The following ESRRG variants were observed in gnomAD, a reference collection of about 807,000 sequenced individuals.
ESRRG encodes estrogen-related receptor gamma.
ESRRG carries 13 observed loss-of-function variants against 44.0 expected under a neutral mutation model. The ratio of observed to expected loss-of-function variants is 0.30; its 90% confidence interval spans 0.19 to 0.47. The LOEUF is 0.47. Among genes scored for constraint, ESRRG ranks in the 20% least tolerant of loss-of-function variants. ESRRG has a pLI of 1.00. For missense variants in ESRRG, 395 were observed against 580.6 expected, an observed-to-expected ratio of 0.68 and a Z score of 3.29; for synonymous variants, 215 against 214.6, an observed-to-expected ratio of 1.00 and a Z score of -0.02.
chr1:216,588,872 C>G (rs1340994014), intron 3 of ESRRG, among the ~76,000 whole-genome samples: 1 of 152,146 alleles, frequency 6.6e-6, no homozygotes, highest in Non-Finnish European at 1.5e-5. Context: ...CTATCGGGTA[C>G]TTCTCTGAGG....
At chr1:216,726,414 C>T (rs1288134174), upstream of ESRRG, among the ~76,000 whole-genome samples, 1 of 152,038 alleles carries the variant, frequency 6.6e-6, no homozygotes, top group Non-Finnish European at 1.5e-5. Flanking sequence ...AAGAAACTTC[C>T]CTGGTCCCAG....
intron 6 of ESRRG, among the ~76,000 whole-genome samples, chr1:216,517,195 C>T (rs1327672059): frequency 6.6e-6 from 1 of 152,050 alleles, no homozygotes; most frequent in East Asian, 1.9e-4. Context: ...GCTTATTGAC[C>T]ATTTCTGACT....
At chr1:216,886,813 T>C (rs2096524128) in intron 2 of ESRRG, among the ~76,000 whole-genome samples, 1 of 152,194 alleles carries the variant, frequency 6.6e-6, no homozygotes, top group Admixed American at 6.5e-5. Context: ...AGCCTTGGCC[T>C]CCTGGGCTCA....
intron 5 of ESRRG, among the ~76,000 whole-genome samples, chr1:216,547,942 G>C (rs778963125): frequency 4.6e-5 from 7 of 152,094 alleles, no homozygotes; most frequent in Non-Finnish European, 7.4e-5. Flanking sequence ...AAAGGCATGA[G>C]CTATATGGCT....
chr1:216,954,280 C>T (rs2067526915), intron 1 of ESRRG, among the ~76,000 whole-genome samples: 1 of 152,040 alleles, frequency 6.6e-6, no homozygotes, highest in African/African-American at 2.4e-5. Flanking sequence ...ATAAAAACTT[C>T]AACACAGCCC....
chr1:216,775,747 T>G (rs1576414862), intron 2 of ESRRG, among the ~76,000 whole-genome samples: 2 of 151,686 alleles, frequency 1.3e-5, no homozygotes, highest in Admixed American at 1.3e-4. Flanking sequence ...TATTTTTTTG[T>G]AGAGATGATG....
intron 6 of ESRRG, 75 bp downstream of exon 6, chr1:216,519,077 C>T: frequency 7.4e-7 from 1 of 1,343,692 alleles, no homozygotes; most frequent in Non-Finnish European, 1.0e-6. Context: ...CTAGCAAATC[C>T]CTAAAGAAGT....
chr1:216,628,308 G>T (rs2063531440), intron 3 of ESRRG, among the ~76,000 whole-genome samples: 1 of 152,164 alleles, frequency 6.6e-6, no homozygotes, highest in Non-Finnish European at 1.5e-5. Flanking sequence ...AGGCTGGAGT[G>T]CAATGGCACA....
chr1:216,744,985 A>T (rs916021058), intron 2 of ESRRG, among the ~76,000 whole-genome samples: 2 of 152,196 alleles, frequency 1.3e-5, no homozygotes, highest in African/African-American at 4.8e-5. Flanking sequence ...AACAGAGTCT[A>T]AAGTTCCTCA....
chr1:216,550,238 T>C (rs1216612894), intron 5 of ESRRG, among the ~76,000 whole-genome samples: 1 of 152,080 alleles, frequency 6.6e-6, no homozygotes, highest in African/African-American at 2.4e-5. Context: ...TATCGCAAAT[T>C]GAAAATACTA....
rs2152411386 is a variant in ESRRG, at chr1:216,775,446, C to T, written c.-13-97955G>A. 2.0e-5 allele frequency among the ~76,000 whole-genome samples: 3 copies of T among 151,632 alleles called. No homozygotes were observed. The South Asian group carries it at 6.3e-4, about 32-fold the overall frequency. On this transcript the variant is annotated intron_variant, in intron 2 of 7. Transcript: ENST00000359162. ...AAAGTCATCATCTCCTCCCCAGAAC[C>T]ATTCCTTTTCCTGTGTTTCTCATGT...
rs544733835 is a variant in ESRRG, at chr1:216,966,677, G to A, written c.-105-27004C>T. On this transcript the variant is annotated intron_variant, in intron 1 of 7. Coordinates refer to the ESRRG transcript ENST00000359162. ...GCTCTTGTTTTCTTATCCTAGCATC[G>A]TTCTGAGGTCCCAGGGAACCTCAGT... Among the ~76,000 whole-genome samples the A allele has an allele frequency of 3.9e-5, 6 of 151,936 alleles. No homozygotes were observed. The South Asian group carries it at 1.0e-3, about 26-fold the overall frequency.
intron 2 of ESRRG, among the ~76,000 whole-genome samples, chr1:216,884,721 C>T (rs987181350): frequency 6.6e-6 from 1 of 152,156 alleles, no homozygotes; most frequent in African/African-American, 2.4e-5. Context: ...TTAGAACATG[C>T]CTGAACACAG....
At chr1:216,579,763 C>T (rs2062380809) in intron 3 of ESRRG, among the ~76,000 whole-genome samples, 1 of 152,122 alleles carries the variant, frequency 6.6e-6, no homozygotes, top group African/African-American at 2.4e-5. Context: ...AAAACAAACA[C>T]ATTTTCCCAT....
rs576494747 is a variant in ESRRG, at chr1:216,862,019, C to T, written c.-14+77563G>A. 7.2e-5 allele frequency among the ~76,000 whole-genome samples: 11 copies of T among 152,188 alleles called. No individual in the cohort carries two copies. In the South Asian group the frequency reaches 1.5e-3, roughly 20 times the overall value. ...TACTACACATCTATTAGAATGAATA[C>T]AATTGAAAAGTCTGACTAAACTAAG... On this transcript the variant is annotated intron_variant, in intron 2 of 7. Coordinates refer to the ESRRG transcript ENST00000359162.
intron 2 of ESRRG, among the ~76,000 whole-genome samples, chr1:216,907,474 T>G (rs989054321): frequency 2.0e-5 from 3 of 152,134 alleles, no homozygotes; most frequent in African/African-American, 7.2e-5. Context: ...AGATGAACAG[T>G]GAGGGCTTAG....
chr1:217,031,704 T>A (rs969692162), intron 1 of ESRRG, among the ~76,000 whole-genome samples: 2 of 152,206 alleles, frequency 1.3e-5, no homozygotes, highest in African/African-American at 4.8e-5. Context: ...CAGTGGGAGA[T>A]AACTGAATCA....
At position 216,554,208 on chromosome 1, in the gene ESRRG, C is replaced by CT. The variant is rs549879147; in HGVS notation, c.862+10010dup. The stretch of plus-strand genomic sequence containing the variant: ...AGTAGCTCAGCCTGTAATCCCAGCA[C>CT]TTTGGAAGGCTGGGGTGGGTGGATC... On this transcript the variant is annotated intron_variant, in intron 5 of 6. Transcript: ENST00000408911. Among the ~76,000 whole-genome samples the CT allele has an allele frequency of 1.0e-3, 157 of 152,198 alleles. 1 individual carries two copies. Among genetic ancestry groups the CT allele is most frequent in the African/African-American group, 3.7e-3 (154 of 41,542 alleles).
At chr1:216,653,328 C>G (rs151166535) in intron 2 of ESRRG, among the ~76,000 whole-genome samples, 1 of 152,130 alleles carries the variant, frequency 6.6e-6, no homozygotes, top group African/African-American at 2.4e-5. Flanking sequence ...TGTGGCATAC[C>G]GCTGTCATCT....
Sources: allele counts gnomAD v4.1 joint callset (sites outside exome capture counted in the v4.1 genomes callset), GRCh38; gene constraint gnomAD v4.1.1; transcripts MANE v1.5; gene names NCBI Gene and HGNC (gene_info 2026-07-23, HGNC 2026-07-21).